Variants in TEX9 observed in about 807,000 individuals in gnomAD.
TEX9 encodes testis-expressed protein 9.
A neutral mutation model predicts 59.6 loss-of-function variants in TEX9; 74 were observed. That is an observed-to-expected ratio of 1.24 (90% CI 1.03 to 1.51). TEX9 has a LOEUF of 1.51. Ranked by LOEUF, TEX9 falls within the 40% of genes most tolerant of loss-of-function variation. TEX9 has a pLI of 0.00. For missense variants in TEX9, 522 were observed against 447.8 expected (o/e 1.17, Z -1.49); for synonymous variants, 186 against 152.2 (o/e 1.22, Z -1.64).
At chr15:56,288,125 C>T (rs1475625550) in intron 1 of TEX9, among the ~76,000 whole-genome samples, 1 of 152,120 alleles carries the variant, frequency 6.6e-6, no homozygotes, top group Non-Finnish European at 1.5e-5. Context: ...TTGCACTATT[C>T]ATAGTCTCAC....
intron 1 of TEX9, among the ~76,000 whole-genome samples, chr15:56,351,544 A>G (rs894054269): frequency 1.3e-5 from 2 of 152,196 alleles, no homozygotes; most frequent in Non-Finnish European, 2.9e-5. Context: ...CAGTATCTGC[A>G]TATTGTGTAA....
chr15:56,300,783 G>A (rs1278960609), intron 1 of TEX9, among the ~76,000 whole-genome samples: 1 of 150,210 alleles, frequency 6.7e-6, no homozygotes, highest in African/African-American at 2.5e-5. Context: ...TAAAGCAAAA[G>A]TCTCTACCTG....
At chr15:56,290,846 C>T (rs1252204532) in intron 1 of TEX9, among the ~76,000 whole-genome samples, 4 of 151,634 alleles carry the variant, frequency 2.6e-5, no homozygotes, top group East Asian at 1.9e-4. Context: ...GCTCTTGAGC[C>T]CTCTCTGGGC....
At chr15:56,441,375 T>G (rs952870585) in intron 12 of TEX9, among the ~76,000 whole-genome samples, 3 of 152,176 alleles carry the variant, frequency 2.0e-5, no homozygotes, top group Non-Finnish European at 4.4e-5. Context: ...GGGTGGAGTA[T>G]TCTCTAAATG....
intron 1 of TEX9, among the ~76,000 whole-genome samples, chr15:56,315,103 C>A (rs2045721765): frequency 1.3e-5 from 2 of 150,882 alleles, no homozygotes; most frequent in African/African-American, 4.9e-5. Context: ...ACTCTTTATC[C>A]AATTTGCCAG....
intron 9 of TEX9, among the ~76,000 whole-genome samples, chr15:56,400,250 G>A (rs746081652): frequency 2.0e-4 from 31 of 152,134 alleles, no homozygotes; most frequent in Admixed American, 3.3e-4. Context: ...AAGGTTAGAC[G>A]AATGGCTAAC....
At chr15:56,365,728 AC>A in intron 2 of TEX9, 58 bp downstream of exon 2, 4 of 1,604,834 alleles carry the variant, frequency 2.5e-6, no homozygotes, top group Non-Finnish European at 3.4e-6. Context: ...GAGGCTGCTT[AC>A]AAGTACTTTT....
intron 1 of TEX9, among the ~76,000 whole-genome samples, chr15:56,288,137 CACAGTG>C: frequency 6.6e-6 from 1 of 152,268 alleles, no homozygotes; most frequent in South Asian, 2.1e-4. Flanking sequence ...TAGTCTCACC[CACAGTG>C]ACAGTGTACA....
chr15:56,307,332 C>A (rs540418920), intron 1 of TEX9, among the ~76,000 whole-genome samples: 5 of 152,128 alleles, frequency 3.3e-5, no homozygotes, highest in Non-Finnish European at 5.9e-5. Flanking sequence ...TTTTGGATTC[C>A]CCATGCTTTA....
upstream of TEX9, among the ~76,000 whole-genome samples, chr15:56,363,535 C>T (rs2046830435): frequency 6.6e-6 from 1 of 152,108 alleles, no homozygotes; most frequent in Admixed American, 6.5e-5. Flanking sequence ...TTTTAATTTT[C>T]ATTTCCCTGA....
chr15:56,275,798 A>G (rs1171881617), intron 1 of TEX9, among the ~76,000 whole-genome samples: 1 of 151,770 alleles, frequency 6.6e-6, no homozygotes, highest in Non-Finnish European at 1.5e-5. Flanking sequence ...GCTTCCATTC[A>G]TTCTTGTTTA....
At position 56,254,816 on chromosome 15, in the gene TEX9, C is replaced by T. The variant is rs185657965; in HGVS notation, c.-107+10538C>T. ...ATACTTATAAATATCACAAATATAA[C>T]AATTATCCTCAAAGAGGTTCAAGAT... On this transcript the variant is annotated intron_variant, in intron 1 of 5. Transcript: ENST00000560827. Among the ~76,000 whole-genome samples the T allele has an allele frequency of 3.0e-3, 456 of 150,790 alleles. 2 individuals are homozygous for T. The highest frequency in any genetic ancestry group is 0.011 in the African/African-American group (436 of 41,240).
At chr15:56,323,981 T>C (rs2045962747) in intron 1 of TEX9, among the ~76,000 whole-genome samples, 1 of 152,130 alleles carries the variant, frequency 6.6e-6, no homozygotes, top group South Asian at 2.1e-4. Context: ...TCTTTAGATA[T>C]CATGCCCTGG....
chr15:56,259,648 G>C (rs2044219855), intron 1 of TEX9, among the ~76,000 whole-genome samples: 1 of 151,916 alleles, frequency 6.6e-6, no homozygotes, highest in Non-Finnish European at 1.5e-5. Context: ...TAGCTTTATG[G>C]TAAGTTATGC....
At chr15:56,296,923 C>A (rs977999656) in intron 1 of TEX9, among the ~76,000 whole-genome samples, 17 of 151,870 alleles carry the variant, frequency 1.1e-4, no homozygotes, top group African/African-American at 3.9e-4. Context: ...GAATATTGAA[C>A]GTAGATGTTA....
chr15:56,379,837 G>T (rs1166134261), intron 3 of TEX9, among the ~76,000 whole-genome samples: 1 of 145,802 alleles, frequency 6.9e-6, no homozygotes, highest in Non-Finnish European at 1.5e-5. Flanking sequence ...AATTTATTTT[G>T]TCTAAGTATA....
intron 9 of TEX9, among the ~76,000 whole-genome samples, chr15:56,404,829 G>T (rs1340124166): frequency 2.0e-5 from 3 of 152,146 alleles, no homozygotes; most frequent in Admixed American, 6.5e-5. Flanking sequence ...TATGTCCTTT[G>T]CAGGGACATA....
intron 9 of TEX9, chr15:56,396,530 C>T (rs2048476488): frequency 7.0e-6 from 1 of 143,814 alleles, no homozygotes; most frequent in African/African-American, 2.6e-5. Flanking sequence ...CCAAATGTCA[C>T]ATAAATAGAA....
At chr15:56,302,634 A>AGAAG (rs1238561031) in intron 1 of TEX9, among the ~76,000 whole-genome samples, 1 of 152,188 alleles carries the variant, frequency 6.6e-6, no homozygotes. Context: ...AAGGAAGAAA[A>AGAAG]GAAGGAAGGA....
Sources: allele counts gnomAD v4.1 joint callset (sites outside exome capture counted in the v4.1 genomes callset), GRCh38; gene constraint gnomAD v4.1.1; transcripts MANE v1.5; gene names NCBI Gene and HGNC (gene_info 2026-07-23, HGNC 2026-07-21).